Variants in PPIL2 observed in about 807,000 individuals in gnomAD.
PPIL2 encodes the protein peptidylprolyl isomerase like 2.
In PPIL2, 50 loss-of-function variants were observed where a neutral mutation model predicts 75.2. The ratio of observed to expected loss-of-function variants is 0.66; its 90% CI spans 0.53 to 0.84. The LOEUF (loss-of-function observed/expected upper bound fraction) is 0.84, where lower values mean the gene tolerates loss of function less well. Among genes scored for constraint, PPIL2 ranks in the 40% least tolerant of loss-of-function variants. The pLI, the probability that PPIL2 is intolerant of heterozygous loss-of-function variation, is 0.00. For missense variants in PPIL2, 590 were observed against 685.0 expected (o/e 0.86, Z 1.55); for synonymous variants, 245 against 258.8 (o/e 0.95, Z 0.51).
rs1555894902 is a variant in PPIL2 at position 21,676,309 on chromosome 22, T to TGTGTGTGTGTG, written c.295+1194_295+1195insGTGTGTGTGTG. Among the ~76,000 whole-genome samples, 740 of 123,034 alleles carry TGTGTGTGTGTG rather than the reference T, an allele frequency of 6.0e-3. 9 individuals carry two copies. The highest frequency in any genetic ancestry group is 0.012 in the Middle Eastern group (3 of 244). 80.7% of individuals were successfully genotyped at this position (123,034 alleles called of 152,430 possible). A position where few individuals can be genotyped will look rare whatever the true frequency, so the allele number is the denominator to read the frequency against. ...TTCAGCAAATATTTATTTATTTATT[T>TGTGTGTGTGTG]TGTGTGTGTGTGTGTGTGTGTGTGT... On this transcript the variant is annotated intron_variant, in intron 6 of 19. Transcript: ENST00000398831.
Position 21,682,448 on chromosome 22 carries a change from G to C in PPIL2, c.399G>C (p.Gln133His). 1 of 1,613,956 alleles carries C rather than the reference G, an allele frequency of 6.2e-7. No homozygotes were observed. The highest frequency in any genetic ancestry group is 8.5e-7 in the Non-Finnish European group (1 of 1,179,902). Residue 133 changes from glutamine to histidine, a missense_variant, in exon 8 of 20, where the codon CAG (glutamine) becomes CAC (histidine). Coordinates refer to ENST00000398831, the MANE Select transcript of PPIL2 (RefSeq NM_014337.4). ...CCTCCTGGCTATAGGCAGTGGAACAGCTAAATATCAAGGCCAAGAACTTCC... is the reference window on the plus strand; with the variant it reads ...CCTCCTGGCTATAGGCAGTGGAACACCTAAATATCAAGGCCAAGAACTTCC... ...GNVYAYEAVE[Q>H]LNIKAKNFRD...
At chr22:21,695,306 C>G in intron 19 of PPIL2, 88 bp from the exon 20 acceptor site, 1 of 1,464,982 alleles carries the variant, frequency 6.8e-7, no homozygotes, top group Non-Finnish European at 9.3e-7. Context: ...GGGGTTGGGC[C>G]TACACCGGGA....
chr22:21,675,244 A>G (rs920557164), intron 6 of PPIL2, 129 bp downstream of exon 6: 2 of 894,368 alleles, frequency 2.2e-6, no homozygotes, highest in African/African-American at 1.7e-5. Flanking sequence ...AATTCCGCAA[A>G]AAGTGTCACA....
Position 21,684,930 on chromosome 22 carries a change from A to T in PPIL2, c.714+17A>T, listed in dbSNP as rs200749220. Reference sequence around the variant, plus strand: ...CTGAACGCTGTGAGTGGCGGAGGGCACTCGGCCAAGCCCAAGCCCCGTCTT... The same window carrying T: ...CTGAACGCTGTGAGTGGCGGAGGGCTCTCGGCCAAGCCCAAGCCCCGTCTT... On this transcript the variant is annotated intron_variant, in intron 10 of 19. Coordinates refer to ENST00000398831, the MANE Select transcript of PPIL2 (RefSeq NM_014337.4). 1.8e-3 allele frequency: 2,923 copies of T among 1,612,388 alleles called. 1 individual carries two copies. The highest frequency in any genetic ancestry group is 4.3e-3 in the Admixed American group (255 of 59,950).
In PPIL2 at chr22:21,667,488, C is replaced by T. The variant is rs115932839; in HGVS notation, c.32+1357C>T. Among the ~76,000 whole-genome samples, 1,082 of 152,054 alleles carry T rather than the reference C, an allele frequency of 7.1e-3. 9 individuals carry two copies. Among genetic ancestry groups the T allele is most frequent in the African/African-American group, 0.025 (1,026 of 41,476 alleles). ...GTCCTCATTTTGTTGGGCTTCTCAA[C>T]AGTATGTCCCACTGTTGACCACTCC... On this transcript the variant is annotated intron_variant, in intron 1 of 19. Coordinates refer to ENST00000398831, the MANE Select transcript of PPIL2 (RefSeq NM_014337.4).
chr22:21,674,102 G>T lies in PPIL2; in HGVS notation c.244-962G>T, dbSNP rs183425339. ...TAGGGCCCAGCCCCAGGAGGCTCCC[G>T]CTGTGTCTCCCCTGGGCCTGGGTAG... On this transcript the variant is annotated intron_variant, in intron 5 of 19. Transcript: ENST00000398831. 3.3e-5 allele frequency among the ~76,000 whole-genome samples: 5 copies of T among 152,304 alleles called. No individual in the cohort carries two copies. In the East Asian group the frequency reaches 5.8e-4, roughly 18 times the overall value.
chr22:21,675,849 C>G (rs1355507133), intron 6 of PPIL2, among the ~76,000 whole-genome samples: 1 of 152,232 alleles, frequency 6.6e-6, no homozygotes, highest in East Asian at 1.9e-4. Flanking sequence ...TGCCACAGCT[C>G]ATAGAGCCCA....
intron 5 of PPIL2, among the ~76,000 whole-genome samples, chr22:21,673,085 G>A (rs2066699037): frequency 6.6e-6 from 1 of 152,220 alleles, no homozygotes; most frequent in South Asian, 2.1e-4. Context: ...TGGCCAGGGG[G>A]CTGGTTTTTG....
intron 5 of PPIL2, among the ~76,000 whole-genome samples, chr22:21,672,805 C>T (rs1306920514): frequency 1.3e-5 from 2 of 152,162 alleles, no homozygotes; most frequent in African/African-American, 4.8e-5. Context: ...TGTATTCCTC[C>T]ACCTCTTTCC....
Position 21,687,484 on chromosome 22 carries a change from C to T in PPIL2, c.898-159C>T, listed in dbSNP as rs184170428. Among the ~76,000 whole-genome samples, 562 of 133,978 alleles carry T rather than the reference C, an allele frequency of 4.2e-3. 2 individuals are homozygous for T. Among genetic ancestry groups the T allele is most frequent in the Non-Finnish European group, 6.4e-3 (418 of 65,390 alleles). 87.9% of individuals were successfully genotyped at this position (133,978 alleles called of 152,430 possible). Reference sequence around the variant, plus strand: ...AGGAGAATGTCTTGAACCTAGGAGGCGGAGGTTGCAGTGAGCCAAGATCGC... The same window carrying T: ...AGGAGAATGTCTTGAACCTAGGAGGTGGAGGTTGCAGTGAGCCAAGATCGC... On this transcript the variant is annotated intron_variant, in intron 12 of 19. Coordinates refer to ENST00000398831, the MANE Select transcript of PPIL2 (RefSeq NM_014337.4).
At chr22:21,670,832 A>T in intron 3 of PPIL2, 165 bp from the exon 4 acceptor site, 1 of 864,880 alleles carries the variant, frequency 1.2e-6, no homozygotes, top group Non-Finnish European at 1.9e-6. Context: ...TGGCACAAAC[A>T]CTATTGTAGT....
intron 4 of PPIL2, 66 bp from the exon 5 acceptor site, chr22:21,672,264 C>T: frequency 7.0e-7 from 1 of 1,424,118 alleles, no homozygotes; most frequent in Non-Finnish European, 9.9e-7. Context: ...CCTGCAAGAC[C>T]ACAGTGTTGT....
chr22:21,695,454 G>A lies in PPIL2; in HGVS notation c.1527G>A (p.Lys509=). ...TSATVPMSKK[K]PSRGFGDFSS... is the part of the protein sequence containing the mutation. ...CCACTGTCCCCATGTCCAAGAAGAA[G>A]CCCAGTCGGGGTTTTGGGGACTTCA... Residue 509 remains lysine (K), a synonymous_variant, in exon 20 of 20, where the codon AAG becomes AAA. Transcript: ENST00000398831. 6.2e-7 allele frequency: 1 copy of A among 1,608,600 alleles called. No homozygotes were observed. Among genetic ancestry groups the A allele is most frequent in the Non-Finnish European group, 8.5e-7 (1 of 1,177,364 alleles).
chr22:21,689,203 A>G (rs2067513983), intron 15 of PPIL2, among the ~76,000 whole-genome samples: 1 of 152,186 alleles, frequency 6.6e-6, no homozygotes, highest in East Asian at 1.9e-4. Context: ...CTGCACAGGG[A>G]GAGGCGCCTG....
Position 21,688,864 on chromosome 22 carries a change from CT to C in PPIL2, c.1139+17del, listed in dbSNP as rs2067496597. 1.2e-6 allele frequency: 2 copies of C among 1,611,312 alleles called. No individual in the cohort carries two copies. The highest frequency in any genetic ancestry group is 3.3e-5 in the Admixed American group (2 of 59,978). On this transcript the variant is annotated intron_variant, in intron 15 of 19. Coordinates refer to ENST00000398831, the MANE Select transcript of PPIL2 (RefSeq NM_014337.4). Reference sequence around the variant, plus strand: ...AGGTCTCAATTGTGAGTCAGCTGGGCTTGCTGGGGTGGCCTGGGAGGTGAGC... The same window carrying C: ...AGGTCTCAATTGTGAGTCAGCTGGGCTGCTGGGGTGGCCTGGGAGGTGAGC...
At chr22:21,691,451 C>CA (rs1324115060) in intron 15 of PPIL2, among the ~76,000 whole-genome samples, 2 of 152,026 alleles carry the variant, frequency 1.3e-5, no homozygotes, top group African/African-American at 4.8e-5. Flanking sequence ...GAGGCCGAGG[C>CA]AGGCGGATCA....
intron 15 of PPIL2, 47 bp downstream of exon 15, chr22:21,688,896 C>T (rs1429172824): frequency 6.5e-7 from 1 of 1,536,754 alleles, no homozygotes; most frequent in South Asian, 1.1e-5. Context: ...TGAGCCGGCA[C>T]TCTCTGCGGG....
intron 1 of PPIL2, among the ~76,000 whole-genome samples, chr22:21,668,423 G>A (rs1445340647): frequency 5.3e-5 from 8 of 151,320 alleles, no homozygotes; most frequent in Non-Finnish European, 1.0e-4. Context: ...TCAGGAGATC[G>A]AGACCATCCT....
chr22:21,689,847 CT>C (rs2067544819), intron 15 of PPIL2, among the ~76,000 whole-genome samples: 1 of 152,194 alleles, frequency 6.6e-6, no homozygotes, highest in African/African-American at 2.4e-5. Context: ...TGATTCTGTC[CT>C]TTTTCTGGTC....
Sources: allele counts gnomAD v4.1 joint callset (sites outside exome capture counted in the v4.1 genomes callset), GRCh38; gene constraint gnomAD v4.1.1; transcripts MANE v1.5; gene names NCBI Gene and HGNC (gene_info 2026-07-23, HGNC 2026-07-21).